The following KALRN variants were observed in gnomAD, a reference collection of about 807,000 sequenced individuals.
KALRN encodes kalirin.
KALRN carries 70 observed loss-of-function variants against 353.7 expected under a neutral mutation model. That is an observed-to-expected ratio of 0.20 (90% CI 0.16 to 0.24). The LOEUF is 0.24. KALRN is among the 10% of genes least tolerant of loss of function. KALRN has a pLI of 1.00. For synonymous variants in KALRN, 1,391 were observed against 1,434.8 expected (o/e 0.97, Z 0.69); for missense variants, 2,791 against 3,756.7 (o/e 0.74, Z 6.72).
intron 25 of KALRN, among the ~76,000 whole-genome samples, chr3:124,470,742 G>A (rs538275582): frequency 6.6e-6 from 1 of 151,614 alleles, no homozygotes; most frequent in South Asian, 2.1e-4. Flanking sequence ...ACAACCAGGT[G>A]TGGGACCGCT....
At chr3:124,341,744 G>C (rs187483788) in intron 9 of KALRN, among the ~76,000 whole-genome samples, 4 of 152,254 alleles carry the variant, frequency 2.6e-5, no homozygotes, top group Non-Finnish European at 4.4e-5. Flanking sequence ...AAAGAGGTTG[G>C]AGTCTAGTGT....
chr3:124,455,750 T>C (rs1007771647), intron 22 of KALRN, among the ~76,000 whole-genome samples: 1 of 152,238 alleles, frequency 6.6e-6, no homozygotes, highest in Non-Finnish European at 1.5e-5. Flanking sequence ...TATATAATAG[T>C]ACTCTTTCAA....
At chr3:124,608,358 C>T (rs333337) in intron 34 of KALRN, among the ~76,000 whole-genome samples, 2,665 of 152,250 alleles carry the variant, frequency 0.018, 78 homozygotes, top group African/African-American at 0.061. Context: ...CAAATTCACA[C>T]ACTTTAAGTC....
chr3:124,053,597 A>G (rs1243933998), intron 1 of KALRN, among the ~76,000 whole-genome samples: 1 of 152,188 alleles, frequency 6.6e-6, no homozygotes, highest in Non-Finnish European at 1.5e-5. Context: ...TTCAAACTCT[A>G]CATATTTTGA....
At chr3:124,248,578 C>T (rs1175470433) in intron 3 of KALRN, among the ~76,000 whole-genome samples, 1 of 152,220 alleles carries the variant, frequency 6.6e-6, no homozygotes, top group Non-Finnish European at 1.5e-5. Flanking sequence ...AGCACTTTGT[C>T]AGCCATGGTG....
chr3:124,461,773 G>GAAGTAGAAAAT (rs1345631139), intron 23 of KALRN, 117 bp from the exon 24 acceptor site: 1 of 718,422 alleles, frequency 1.4e-6, no homozygotes, highest in Non-Finnish European at 2.4e-6. Flanking sequence ...ACCTGTTGAT[G>GAAGTAGAAAAT]AAGTAGAAAA....
At chr3:124,417,192 A>G (rs1199473427) in intron 14 of KALRN, among the ~76,000 whole-genome samples, 13 of 152,228 alleles carry the variant, frequency 8.5e-5, no homozygotes. Context: ...TGAGAGAAAC[A>G]TGCTGGCTGA....
At chr3:124,247,001 G>A (rs984992957) in intron 3 of KALRN, among the ~76,000 whole-genome samples, 12 of 152,134 alleles carry the variant, frequency 7.9e-5, no homozygotes, top group African/African-American at 2.9e-4. Flanking sequence ...CATTTTCACT[G>A]TGTTTTCTAT....
In KALRN at chr3:124,395,473, A is replaced by G. The variant is rs2090041715; in HGVS notation, c.2171+130A>G. On this transcript the variant is annotated intron_variant, in intron 12 of 59. Coordinates refer to ENST00000682506, the MANE Select transcript of KALRN (RefSeq NM_001388419.1). ...GAGCTTCGGTTTCTTTATCTGTAAG[A>G]TGTAAAAATGCCTGCACCATACTCA... 5.9e-6 allele frequency: 4 copies of G among 673,648 alleles called. No individual in the cohort carries two copies. The highest frequency in any genetic ancestry group is 2.6e-5 in the Admixed American group (1 of 38,848). 41.7% of individuals were successfully genotyped at this position (673,648 alleles called of 1,614,324 possible).
At chr3:124,400,462 A>G (rs1009089900) in intron 13 of KALRN, among the ~76,000 whole-genome samples, 4 of 152,182 alleles carry the variant, frequency 2.6e-5, no homozygotes, top group African/African-American at 9.7e-5. Context: ...TATCCTTCCA[A>G]CTGATTTCAT....
intron 34 of KALRN, among the ~76,000 whole-genome samples, chr3:124,574,036 G>T (rs2333024): frequency 0.31 from 46,436 of 151,808 alleles, 7,242 homozygotes; most frequent in East Asian, 0.38. Context: ...TGAGTGTTGG[G>T]TGTATATGAG....
At chr3:124,216,622 T>A (rs1262988968) in intron 1 of KALRN, among the ~76,000 whole-genome samples, 1 of 152,208 alleles carries the variant, frequency 6.6e-6, no homozygotes, top group Non-Finnish European at 1.5e-5. Context: ...GAGTTGAGGA[T>A]TACCCAGTCT....
At chr3:124,177,346 G>A (rs1014093869) in intron 1 of KALRN, among the ~76,000 whole-genome samples, 1 of 152,158 alleles carries the variant, frequency 6.6e-6, no homozygotes, top group African/African-American at 2.4e-5. Context: ...AATATCCAGG[G>A]TAACCTGGCA....
At chr3:124,362,669 C>T (rs1209403031) in intron 10 of KALRN, among the ~76,000 whole-genome samples, 1 of 152,230 alleles carries the variant, frequency 6.6e-6, no homozygotes. Flanking sequence ...ATCTGAGCCT[C>T]GGCAATGCCA....
intron 14 of KALRN, among the ~76,000 whole-genome samples, chr3:124,415,433 G>T (rs889199140): frequency 9.2e-5 from 14 of 152,334 alleles, no homozygotes; most frequent in Admixed American, 8.5e-4. Context: ...AGCAGCATTA[G>T]CATCACCTGA....
At chr3:124,065,756 T>A (rs1023895314) in intron 1 of KALRN, among the ~76,000 whole-genome samples, 39 of 152,160 alleles carry the variant, frequency 2.6e-4, no homozygotes, top group African/African-American at 9.4e-4. Flanking sequence ...ATAATAAAGG[T>A]TCCTACTGCA....
At chr3:124,349,542 G>T (rs903559958) in intron 10 of KALRN, among the ~76,000 whole-genome samples, 22 of 152,278 alleles carry the variant, frequency 1.4e-4, no homozygotes, top group African/African-American at 4.6e-4. Flanking sequence ...GAAGCCAAAA[G>T]ATTGGACACC....
Position 124,447,010 on chromosome 3 carries a change from A to T in KALRN, c.3552+125A>T, listed in dbSNP as rs1318060829. 11 of 1,105,096 alleles carry T rather than the reference A, an allele frequency of 1.0e-5. No individual in the cohort carries two copies. In the Admixed American group the frequency reaches 2.6e-4, roughly 26 times the overall value. The allele number at this position is 1,105,096 out of a possible 1,614,324, so 68.5% of individuals were successfully genotyped here. On this transcript the variant is annotated intron_variant, in intron 21 of 59. Transcript: ENST00000682506. ...ACCTGGCTACAGTGGCAAGGGGGGA[A>T]GCATGTAAATGTCCTAAAGGATTGT...
intron 1 of KALRN, among the ~76,000 whole-genome samples, chr3:124,216,219 C>A (rs1237036098): frequency 6.6e-6 from 1 of 152,182 alleles, no homozygotes; most frequent in Non-Finnish European, 1.5e-5. Flanking sequence ...GGAATCAAAT[C>A]ATTTCATTTT....
Sources: gnomAD v4.1 joint callset for allele counts (sites outside exome capture counted in the v4.1 genomes callset) on GRCh38, gnomAD v4.1.1 for gene constraint, MANE v1.5 for transcripts, NCBI Gene and HGNC (gene_info 2026-07-23, HGNC 2026-07-21) for gene names.